ZMYM6: variants seen among roughly 807,000 people sequenced by gnomAD.
ZMYM6 encodes zinc finger MYM-type containing 6, also known as zinc finger MYM-type protein 6.
ZMYM6 carries 90 observed loss-of-function variants against 134.0 expected under a neutral mutation model. That is an observed-to-expected ratio of 0.67 (90% CI 0.57 to 0.80). ZMYM6 has a LOEUF of 0.80. Among genes scored for constraint, ZMYM6 ranks in the 30% least tolerant of loss-of-function variants. The probability of loss-of-function intolerance (pLI) is 0.00; values close to 1 mark genes in which losing one functional copy is unlikely to be tolerated. For synonymous variants in ZMYM6, 481 were observed against 524.1 expected (o/e 0.92, Z 1.12); for missense variants, 1,362 against 1,533.9 (o/e 0.89, Z 1.87).
intron 2 of ZMYM6, among the ~76,000 whole-genome samples, chr1:35,021,370 C>T (rs1641306679): frequency 6.6e-6 from 1 of 152,006 alleles, no homozygotes; most frequent in Non-Finnish European, 1.5e-5. Context: ...GTCTGGAACT[C>T]CTGACCTCAG....
chr1:34,989,234 T>C, intron 15 of ZMYM6: 2 of 1,087,068 alleles, frequency 1.8e-6, no homozygotes, highest in Non-Finnish European at 2.2e-6. Flanking sequence ...ATGATACACA[T>C]CAAATTAACA....
intron 1 of ZMYM6, 130 bp from the exon 2 acceptor site, chr1:35,030,843 T>A: frequency 5.5e-6 from 3 of 541,980 alleles, no homozygotes; most frequent in Admixed American, 3.9e-5. Flanking sequence ...CACAACTAAC[T>A]TTTTTCTTTC....
chr1:35,021,677 A>C (rs918864285), intron 2 of ZMYM6, among the ~76,000 whole-genome samples: 1 of 152,144 alleles, frequency 6.6e-6, no homozygotes, highest in Non-Finnish European at 1.5e-5. Context: ...TAGAGTTTGG[A>C]TTTCAATCAT....
rs963932924 is a variant in ZMYM6, at chr1:34,986,416, T to C, written c.*688A>G. 3 of 152,240 alleles carry C rather than the reference T, an allele frequency of 2.0e-5. No homozygotes were observed. Among genetic ancestry groups the C allele is most frequent in the Non-Finnish European group, 2.9e-5 (2 of 68,076 alleles). The allele number at this position is 152,240 out of a possible 1,614,324, so 9.4% of individuals were successfully genotyped here. A position where few individuals can be genotyped will look rare whatever the true frequency, so the allele number is the denominator to read the frequency against. The stretch of plus-strand genomic sequence containing the variant: ...TTTATAGTTACCCAAGCTGCTTAGA[T>C]CTATCTTTTTCCAGCTGGGCACGTT... On this transcript the variant is annotated 3_prime_UTR_variant, in exon 16 of 16. Transcript: ENST00000357182.
chr1:35,001,270 GT>G (rs35069895), intron 14 of ZMYM6, among the ~76,000 whole-genome samples: 23,384 of 111,038 alleles, frequency 0.21, 4,120 homozygotes, highest in African/African-American at 0.48. Context: ...ACTGTCAGGT[GT>G]TTTTTTTTTT....
chr1:35,012,376 T>G, intron 7 of ZMYM6, 55 bp downstream of exon 7: 24 of 1,351,394 alleles, frequency 1.8e-5, no homozygotes, highest in Non-Finnish European at 2.3e-5. Context: ...GAAAAGCAGT[T>G]ACGTTTTTCT....
intron 13 of ZMYM6, among the ~76,000 whole-genome samples, chr1:35,004,540 C>T (rs1210535492): frequency 1.3e-5 from 2 of 151,798 alleles, no homozygotes; most frequent in African/African-American, 4.8e-5. Flanking sequence ...ACTCGGGAGG[C>T]GGAGGTTGCA....
intron 10 of ZMYM6, 37 bp downstream of exon 10, chr1:35,010,410 A>C (rs1641064683): frequency 1.9e-6 from 3 of 1,579,154 alleles, no homozygotes; most frequent in Non-Finnish European, 2.6e-6. Flanking sequence ...GAATTATAAC[A>C]ACCCATGCTC....
chr1:35,030,464 A>G, intron 2 of ZMYM6, 83 bp downstream of exon 2: 1 of 1,332,660 alleles, frequency 7.5e-7, no homozygotes, highest in Non-Finnish European at 1.0e-6. Flanking sequence ...ACAAACCAGA[A>G]GCCGTTTAAC....
intron 14 of ZMYM6, 149 bp from the exon 15 acceptor site, chr1:34,992,536 A>G: frequency 1.4e-6 from 1 of 692,628 alleles, no homozygotes; most frequent in Non-Finnish European, 2.2e-6. Flanking sequence ...CACCTTGGAA[A>G]ATACACACAG....
chr1:35,014,661 T>C, intron 6 of ZMYM6, 36 bp downstream of exon 6: 1 of 1,586,078 alleles, frequency 6.3e-7, no homozygotes. Context: ...TCAGAAGGAG[T>C]GGGCCTAAGT....
intron 3 of ZMYM6, among the ~76,000 whole-genome samples, chr1:35,019,866 A>G (rs1249588533): frequency 4.0e-5 from 6 of 151,858 alleles, no homozygotes; most frequent in African/African-American, 1.5e-4. Flanking sequence ...AGCAAAGATA[A>G]GGTATGTTGC....
chr1:35,022,164 C>G (rs908592949), intron 2 of ZMYM6, among the ~76,000 whole-genome samples: 5 of 152,216 alleles, frequency 3.3e-5, no homozygotes, highest in African/African-American at 1.2e-4. Context: ...ATAAGATATG[C>G]CTTCTTTATA....
At position 35,020,413 on chromosome 1, in the gene ZMYM6, C is replaced by T. The variant is rs1641284392; in HGVS notation, c.148G>A (p.Gly50Ser). ...GGTCTCTCATTAACTGAAGACACAC[C>T]ACCAATTTTCAATTTACTTTCTTGA... ...KTQESKLKIG[G>S]VSSVNERPIA... is the part of the protein sequence containing the mutation. The change falls in exon 3 of 16, where the codon GGT (glycine) becomes AGT (serine). Residue 50 changes from glycine (G) to serine (S), a missense_variant. Physicochemically the swap from Gly to Ser is moderately conservative, Grantham distance 56. Transcript: ENST00000357182. The T allele has an allele frequency of 2.5e-6, 4 of 1,612,072 alleles. No homozygotes were observed. The highest frequency in any genetic ancestry group is 1.6e-4 in the Middle Eastern group (1 of 6,076).
Position 35,019,513 on chromosome 1 carries a change from C to T in ZMYM6, c.268G>A (p.Val90Ile). ...ATTTTTTTACAACCAGAACAAAAAA[C>T]CTTAATAGCAACAGCTGGAACTGAA... is the stretch of plus-strand genomic sequence containing the variant. ...LPSVPAVAIK[V>I]FCSGCKKMLY... Residue 90 changes from valine to isoleucine, a missense_variant, in exon 4 of 16, where the codon GTT becomes ATT. By Grantham distance (29) the Val-to-Ile change is conservative. This residue lies in a region of ZMYM6 where 503 missense variants were observed against 520.8 expected (regional missense o/e 0.97). Coordinates refer to ENST00000357182, the MANE Select transcript of ZMYM6 (RefSeq NM_007167.4). The T allele has an allele frequency of 6.2e-7, 1 of 1,614,086 alleles. No individual in the cohort carries two copies. The highest frequency in any genetic ancestry group is 8.5e-7 in the Non-Finnish European group (1 of 1,180,018).
At chr1:34,989,389 AAG>A (rs1464208313) in intron 15 of ZMYM6, 188 of 317,134 alleles carry the variant, frequency 5.9e-4, no homozygotes, top group South Asian at 1.7e-3. Flanking sequence ...AAAAAAAAAA[AAG>A]AAGAAGAAAA....
chr1:34,996,171 C>T (rs2148445280), intron 14 of ZMYM6, among the ~76,000 whole-genome samples: 1 of 152,208 alleles, frequency 6.6e-6, no homozygotes, highest in East Asian at 1.9e-4. Flanking sequence ...TACTGATAGA[C>T]ATTATATCAA....
intron 12 of ZMYM6, among the ~76,000 whole-genome samples, chr1:35,006,179 TG>T (rs1240412775): frequency 6.6e-6 from 1 of 152,172 alleles, no homozygotes; most frequent in Non-Finnish European, 1.5e-5. Flanking sequence ...GGCTAATTTT[TG>T]TATTTTTAGT....
At chr1:34,990,327 A>C (rs985647266) in intron 15 of ZMYM6, 16 of 263,850 alleles carry the variant, frequency 6.1e-5, no homozygotes, top group Non-Finnish European at 1.1e-4. Context: ...AAAAATACAA[A>C]AGAAAATTAG....
Sources: allele counts gnomAD v4.1 joint callset (sites outside exome capture counted in the v4.1 genomes callset), GRCh38; gene constraint gnomAD v4.1.1; regional missense constraint gnomAD v4.1.1; transcripts MANE v1.5; gene names NCBI Gene and HGNC (gene_info 2026-07-23, HGNC 2026-07-21).